Variants in PDE7B observed in about 807,000 individuals in gnomAD.
PDE7B encodes phosphodiesterase 7B.
PDE7B carries 29 observed loss-of-function variants against 56.2 expected under a neutral mutation model. The ratio of observed to expected loss-of-function variants is 0.52; its 90% CI spans 0.38 to 0.70. PDE7B has a LOEUF of 0.70. Ranked by LOEUF, PDE7B falls within the 30% of genes least tolerant of loss-of-function variation. PDE7B has a pLI of 0.00. For missense variants in PDE7B, 490 were observed against 565.0 expected, an observed-to-expected ratio of 0.87 and a Z score of 1.35; for synonymous variants, 197 against 196.9, an observed-to-expected ratio of 1.00 and a Z score of 0.00.
chr6:136,156,446 C>A (rs1304328230), intron 8 of PDE7B, among the ~76,000 whole-genome samples: 1 of 152,104 alleles, frequency 6.6e-6, no homozygotes, highest in Non-Finnish European at 1.5e-5. Context: ...CTCAGCCTAC[C>A]AAAACACTAG....
chr6:135,979,151 T>C (rs574913981), intron 2 of PDE7B, among the ~76,000 whole-genome samples: 2,062 of 152,076 alleles, frequency 0.014, 101 homozygotes, highest in African/African-American at 0.047. Flanking sequence ...GTTTTTGTCT[T>C]TGGTTCTGTT....
At chr6:135,913,124 A>C (rs1776240313) in intron 1 of PDE7B, among the ~76,000 whole-genome samples, 1 of 152,182 alleles carries the variant, frequency 6.6e-6, no homozygotes, top group Non-Finnish European at 1.5e-5. Flanking sequence ...TAAGAACTTC[A>C]CATAATTATC....
At chr6:136,145,780 C>G (rs1778403887) in intron 3 of PDE7B, among the ~76,000 whole-genome samples, 1 of 152,160 alleles carries the variant, frequency 6.6e-6, no homozygotes, top group Non-Finnish European at 1.5e-5. Context: ...TCTCTAAACC[C>G]ATCTAAAGTC....
At position 136,020,153 on chromosome 6, in the gene PDE7B, C is replaced by T. The variant is rs566231889; in HGVS notation, c.82+72629C>T. Among the ~76,000 whole-genome samples the T allele has an allele frequency of 2.0e-5, 3 of 152,298 alleles. No homozygotes were observed. The South Asian group carries it at 6.2e-4, about 32-fold the overall frequency. On this transcript the variant is annotated intron_variant, in intron 2 of 12. Coordinates refer to ENST00000308191, the MANE Select transcript of PDE7B (RefSeq NM_018945.4). ...CTTCTTATTGTGCCATAACCAGGTACTGTGACCTCATGCCTGGTTTTCTTA... is the reference window on the plus strand; with the variant it reads ...CTTCTTATTGTGCCATAACCAGGTATTGTGACCTCATGCCTGGTTTTCTTA...
intron 3 of PDE7B, among the ~76,000 whole-genome samples, chr6:136,135,197 C>T (rs957252484): frequency 2.0e-5 from 3 of 152,016 alleles, no homozygotes; most frequent in African/African-American, 7.2e-5. Flanking sequence ...CTTAAAATAA[C>T]TTTTGAGTTC....
chr6:136,113,751 T>C (rs1777786759), intron 3 of PDE7B, among the ~76,000 whole-genome samples: 1 of 152,086 alleles, frequency 6.6e-6, no homozygotes, highest in Admixed American at 6.5e-5. Flanking sequence ...TAGAGAAGAG[T>C]GTTCTGAGAC....
chr6:135,914,411 A>G (rs1776261117), intron 1 of PDE7B, among the ~76,000 whole-genome samples: 1 of 149,664 alleles, frequency 6.7e-6, no homozygotes, highest in Non-Finnish European at 1.5e-5. Flanking sequence ...CTGTCCCTAT[A>G]GATCTGCCTT....
intron 2 of PDE7B, among the ~76,000 whole-genome samples, chr6:135,961,265 G>C (rs367866510): frequency 1.4e-5 from 2 of 142,290 alleles, no homozygotes; most frequent in African/African-American, 5.7e-5. Flanking sequence ...ATGTGTGTGT[G>C]TGTGTGTGTG....
intron 2 of PDE7B, among the ~76,000 whole-genome samples, chr6:135,963,155 T>C (rs991209070): frequency 9.2e-5 from 14 of 152,172 alleles, no homozygotes; most frequent in Non-Finnish European, 2.1e-4. Flanking sequence ...CGTGCACATA[T>C]ACACATGGAG....
At chr6:136,145,321 G>T (rs1293785852) in intron 3 of PDE7B, among the ~76,000 whole-genome samples, 1 of 152,034 alleles carries the variant, frequency 6.6e-6, no homozygotes, top group Non-Finnish European at 1.5e-5. Context: ...ATCCCTTGAT[G>T]TTGTCACTTC....
intron 9 of PDE7B, among the ~76,000 whole-genome samples, chr6:136,177,923 T>G (rs563218825): frequency 6.6e-6 from 1 of 152,128 alleles, no homozygotes; most frequent in Non-Finnish European, 1.5e-5. Flanking sequence ...CAATGGAATT[T>G]TATACAGTGG....
chr6:136,041,900 G>C (rs561852218), intron 2 of PDE7B, among the ~76,000 whole-genome samples: 7 of 152,236 alleles, frequency 4.6e-5, no homozygotes, highest in African/African-American at 1.7e-4. Context: ...CCAGCATTTC[G>C]ATTGCCCAAC....
At chr6:136,099,978 A>C (rs991387795) in intron 2 of PDE7B, among the ~76,000 whole-genome samples, 1 of 152,210 alleles carries the variant, frequency 6.6e-6, no homozygotes, top group East Asian at 1.9e-4. Flanking sequence ...ATCCAGTTTC[A>C]GCTTTCTACA....
intron 3 of PDE7B, among the ~76,000 whole-genome samples, chr6:136,115,757 A>G (rs1158875358): frequency 1.3e-5 from 2 of 152,234 alleles, no homozygotes; most frequent in African/African-American, 4.8e-5. Flanking sequence ...CAAGAAGGCC[A>G]TGAAACCCAG....
At chr6:136,174,617 A>G (rs768576789) in intron 9 of PDE7B, among the ~76,000 whole-genome samples, 10 of 152,160 alleles carry the variant, frequency 6.6e-5, no homozygotes, top group Non-Finnish European at 1.3e-4. Context: ...CTAGGTGAAA[A>G]GAGTACATAG....
At chr6:136,014,390 T>C (rs1395358868) in intron 2 of PDE7B, among the ~76,000 whole-genome samples, 2 of 152,180 alleles carry the variant, frequency 1.3e-5, no homozygotes, top group African/African-American at 4.8e-5. Flanking sequence ...TGTGCATGTA[T>C]ACACATGATA....
chr6:135,860,412 GA>G (rs1775123392), intron 1 of PDE7B, among the ~76,000 whole-genome samples: 3 of 151,918 alleles, frequency 2.0e-5, no homozygotes, highest in Admixed American at 1.3e-4. Context: ...CAAATATACA[GA>G]AAAACAGTAT....
intron 2 of PDE7B, among the ~76,000 whole-genome samples, chr6:136,083,508 A>G (rs1777238967): frequency 6.6e-6 from 1 of 152,168 alleles, no homozygotes; most frequent in African/African-American, 2.4e-5. Flanking sequence ...ATGGCATGCT[A>G]ACTACCCTTA....
chr6:136,076,168 C>T (rs1777124330), intron 2 of PDE7B, among the ~76,000 whole-genome samples: 2 of 152,108 alleles, frequency 1.3e-5, no homozygotes, highest in Non-Finnish European at 2.9e-5. Flanking sequence ...AGAGAGAAGC[C>T]TAACCAAAAT....
Sources: allele counts gnomAD v4.1 joint callset (sites outside exome capture counted in the v4.1 genomes callset), GRCh38; gene constraint gnomAD v4.1.1; transcripts MANE v1.5; gene names NCBI Gene and HGNC (gene_info 2026-07-23, HGNC 2026-07-21).